Variants in DBT observed in about 807,000 individuals in gnomAD.
DBT encodes the protein dihydrolipoamide branched chain transacylase E2.
DBT carries 40 observed loss-of-function variants against 51.3 expected under a neutral mutation model. The ratio of observed to expected loss-of-function variants is 0.78; its 90% CI spans 0.61 to 1.02. The LOEUF is 1.02. Among genes scored for constraint, DBT ranks in the 50% least tolerant of loss-of-function variants. The pLI, the probability that DBT is intolerant of heterozygous loss-of-function variation, is 0.00. For missense variants in DBT, 510 were observed against 580.2 expected, an observed-to-expected ratio of 0.88 and a Z score of 1.24; for synonymous variants, 181 against 190.4, an observed-to-expected ratio of 0.95 and a Z score of 0.41.
intron 2 of DBT, among the ~76,000 whole-genome samples, chr1:100,237,521 GA>G (rs1459942544): frequency 6.6e-6 from 1 of 152,108 alleles, no homozygotes; most frequent in African/African-American, 2.4e-5. Context: ...TACAAGTTTA[GA>G]AAAAATTTCT....
intron 2 of DBT, among the ~76,000 whole-genome samples, chr1:100,240,546 A>G (rs1243298078): frequency 1.3e-5 from 2 of 152,124 alleles, no homozygotes; most frequent in Admixed American, 1.3e-4. Context: ...AATTTTTTTT[A>G]AAAAGGGGTG....
In DBT at chr1:100,218,766, T is replaced by G. The variant is rs1162549015; in HGVS notation, c.434-19A>C. On this transcript the variant is annotated intron_variant, in intron 4 of 10. Coordinates refer to ENST00000370132, the MANE Select transcript of DBT (RefSeq NM_001918.5). The stretch of plus-strand genomic sequence containing the variant: ...TCTGAATCTGGTAACAAGGTAAAAC[T>G]TAACTTCAGTTGAAAAAAAATTTTT... The G allele has an allele frequency of 6.2e-7, 1 of 1,612,954 alleles. No homozygotes were observed. Among genetic ancestry groups the G allele is most frequent in the Non-Finnish European group, 8.5e-7 (1 of 1,179,500 alleles).
chr1:100,210,346 G>A (rs11579298), intron 8 of DBT, among the ~76,000 whole-genome samples: 1 of 146,418 alleles, frequency 6.8e-6, no homozygotes, highest in Non-Finnish European at 1.5e-5. Context: ...AGAAGAAGAA[G>A]AATAAGAATA....
At chr1:100,198,087 A>G (rs1340584982) in intron 10 of DBT, among the ~76,000 whole-genome samples, 1 of 152,260 alleles carries the variant, frequency 6.6e-6, no homozygotes, top group African/African-American at 2.4e-5. Flanking sequence ...ATTATGCACA[A>G]GAGCCAAAAA....
intron 10 of DBT, among the ~76,000 whole-genome samples, chr1:100,197,934 C>T (rs977712236): frequency 4.3e-4 from 66 of 152,138 alleles, no homozygotes; most frequent in African/African-American, 1.5e-3. Flanking sequence ...GTCCCTACCC[C>T]ACAAATATTA....
intron 10 of DBT, among the ~76,000 whole-genome samples, chr1:100,203,164 G>A (rs4907904): frequency 0.77 from 116,847 of 152,034 alleles, 47,287 homozygotes; most frequent in East Asian, 0.95. Context: ...TCCAGGAGCC[G>A]GTTTTTTGAA....
intron 1 of DBT, 55 bp from the exon 2 acceptor site, chr1:100,240,939 T>C: frequency 6.5e-7 from 1 of 1,528,942 alleles, no homozygotes; most frequent in South Asian, 1.1e-5. Context: ...TACCGGCTTA[T>C]CTCTAAGTAT....
chr1:100,199,631 G>A (rs562845472), intron 10 of DBT, among the ~76,000 whole-genome samples: 16 of 152,244 alleles, frequency 1.1e-4, no homozygotes, highest in South Asian at 2.1e-4. Flanking sequence ...GAACAGCTCC[G>A]GTCTGCAGCT....
At chr1:100,243,194 G>A (rs1207416491) in intron 1 of DBT, among the ~76,000 whole-genome samples, 4 of 149,076 alleles carry the variant, frequency 2.7e-5, no homozygotes, top group East Asian at 2.0e-4. Flanking sequence ...CCTGGGAGGC[G>A]GAGGTTGCAA....
chr1:100,207,883 G>A (rs919430593), intron 8 of DBT, among the ~76,000 whole-genome samples: 4 of 151,656 alleles, frequency 2.6e-5, no homozygotes, highest in Admixed American at 1.3e-4. Context: ...CTGTAATCCC[G>A]GCACTTTGGG....
chr1:100,213,311 C>T (rs1214017217), intron 7 of DBT: 4 of 1,490,796 alleles, frequency 2.7e-6, no homozygotes, highest in African/African-American at 1.4e-5. Context: ...CAAGACTCTG[C>T]TGCAGGAGCG....
chr1:100,243,206 G>A (rs1664325069), intron 1 of DBT, among the ~76,000 whole-genome samples: 1 of 144,296 alleles, frequency 6.9e-6, no homozygotes, highest in Admixed American at 7.1e-5. Context: ...AGGTTGCAAT[G>A]AGCCAAGATC....
intron 4 of DBT, among the ~76,000 whole-genome samples, chr1:100,224,440 G>T (rs1486187599): frequency 1.3e-5 from 2 of 152,000 alleles, no homozygotes; most frequent in African/African-American, 4.8e-5. Context: ...TTTGATACAT[G>T]GGCTTATGCT....
chr1:100,216,020 C>T lies in DBT; in HGVS notation c.735G>A (p.Pro245=), dbSNP rs752454574. The change falls in exon 6 of 11, where the codon CCG becomes CCA. Residue 245 remains proline (P), a synonymous_variant. Coordinates refer to ENST00000370132, the MANE Select transcript of DBT (RefSeq NM_001918.5). ...MTVPILVSKP[P]VFTGKDKTEP... The stretch of plus-strand genomic sequence containing the variant: ...CTGTTTTGTCTTTGCCTGTGAATAC[C>T]GGAGGTTTTGATACTAGTATAGGAA... 19 of 1,611,338 alleles carry T rather than the reference C, an allele frequency of 1.2e-5. No individual in the cohort carries two copies. Among genetic ancestry groups the T allele is most frequent in the South Asian group, 9.9e-5 (9 of 91,004 alleles).
chr1:100,248,146 C>T (rs748271365), intron 1 of DBT, among the ~76,000 whole-genome samples: 2 of 151,460 alleles, frequency 1.3e-5, no homozygotes, highest in Non-Finnish European at 2.9e-5. Context: ...CTCCCTTGTG[C>T]TAGCCGGGGC....
chr1:100,207,832 GA>G (rs939954037), intron 8 of DBT, among the ~76,000 whole-genome samples: 15 of 139,536 alleles, frequency 1.1e-4, no homozygotes, highest in African/African-American at 1.8e-4. Context: ...GTCAAAAAAA[GA>G]AAAAAAAAAA....
intron 3 of DBT, among the ~76,000 whole-genome samples, chr1:100,232,146 A>G (rs1663583830): frequency 6.6e-6 from 1 of 152,244 alleles, no homozygotes. Context: ...ATGTGGGCTA[A>G]GGTAAGCGTT....
intron 10 of DBT, among the ~76,000 whole-genome samples, chr1:100,198,285 T>C (rs981426180): frequency 7.9e-5 from 12 of 152,192 alleles, no homozygotes; most frequent in African/African-American, 2.7e-4. Context: ...GTACCTAGAA[T>C]AGTCCAATTA....
intron 8 of DBT, among the ~76,000 whole-genome samples, chr1:100,209,806 C>T (rs1441767668): frequency 1.3e-5 from 2 of 152,062 alleles, no homozygotes; most frequent in Non-Finnish European, 2.9e-5. Flanking sequence ...ACATGATCCA[C>T]CCGCCTCAGC....
Sources: allele counts gnomAD v4.1 joint callset (sites outside exome capture counted in the v4.1 genomes callset), GRCh38; gene constraint gnomAD v4.1.1; transcripts MANE v1.5; gene names NCBI Gene and HGNC (gene_info 2026-07-23, HGNC 2026-07-21).